Variants in SETD2 observed in about 807,000 individuals in gnomAD.
SETD2 encodes histone-lysine N-methyltransferase SETD2.
In SETD2, 31 loss-of-function variants were observed where a neutral mutation model predicts 242.1. That is an observed-to-expected ratio of 0.13 (90% CI 0.10 to 0.17). SETD2 has a LOEUF of 0.17. Among genes scored for constraint, SETD2 ranks in the 10% least tolerant of loss-of-function variants. SETD2 has a pLI of 1.00. For synonymous variants in SETD2, 1,006 were observed against 1,066.5 expected (o/e 0.94, Z 1.11); for missense variants, 2,481 against 3,046.3 (o/e 0.81, Z 4.37).
chr3:47,028,100 T>G (rs1171416871), intron 18 of SETD2, among the ~76,000 whole-genome samples: 2 of 152,172 alleles, frequency 1.3e-5, no homozygotes, highest in Non-Finnish European at 2.9e-5. Context: ...GAATTAGCCC[T>G]CTCAGAGTTA....
chr3:47,037,223 G>A (rs1307891625), intron 18 of SETD2, among the ~76,000 whole-genome samples: 2 of 150,520 alleles, frequency 1.3e-5, no homozygotes, highest in Non-Finnish European at 3.0e-5. Context: ...TTGGTGTACT[G>A]CACCCATTAA....
intron 5 of SETD2, among the ~76,000 whole-genome samples, chr3:47,109,397 G>C (rs1016743868): frequency 2.6e-5 from 4 of 152,256 alleles, no homozygotes; most frequent in Non-Finnish European, 4.4e-5. Context: ...TGTAATACCA[G>C]AACTTTGGAA....
At chr3:47,037,943 T>C (rs1177372042) in intron 17 of SETD2, among the ~76,000 whole-genome samples, 166 bp from the exon 18 acceptor site, 1 of 152,244 alleles carries the variant, frequency 6.6e-6, no homozygotes, top group Non-Finnish European at 1.5e-5. Context: ...ACAGCAATGA[T>C]TCTAGCACAG....
At chr3:47,143,024 G>A (rs1025831107) in intron 1 of SETD2, among the ~76,000 whole-genome samples, 2 of 152,150 alleles carry the variant, frequency 1.3e-5, no homozygotes, top group South Asian at 2.1e-4. Flanking sequence ...GGGCATGGTG[G>A]GTCACACCTG....
At position 47,123,987 on chromosome 3, in the gene SETD2, T is replaced by C. The variant is rs752425225; in HGVS notation, c.649A>G (p.Thr217Ala). 5.2e-6 allele frequency: 8 copies of C among 1,552,036 alleles called. No homozygotes were observed. The highest frequency in any genetic ancestry group is 6.1e-6 in the Non-Finnish European group (7 of 1,146,832). Residue 217 changes from threonine (T) to alanine (A), a missense_variant, in exon 3 of 21, where the codon ACA (threonine) becomes GCA (alanine). Thr to Ala is a moderately conservative substitution (Grantham distance 58, BLOSUM62 0). Coordinates refer to ENST00000409792, the MANE Select transcript of SETD2 (RefSeq NM_014159.7). The part of the protein sequence containing the change: ...PVTEPVALPH[T>A]PITVLMAAPV... ...GCTGCCATTAGAACTGTTATTGGTG[T>C]ATGTGGCAAGGCCACTGGCTCTGTT...
At position 47,056,930 on chromosome 3, in the gene SETD2, T is replaced by A. The variant is rs1318081365; in HGVS notation, c.6854A>T (p.Gln2285Leu). 1 of 1,614,186 alleles carries A rather than the reference T, an allele frequency of 6.2e-7. No homozygotes were observed. Among genetic ancestry groups the A allele is most frequent in the Non-Finnish European group, 8.5e-7 (1 of 1,179,984 alleles). Residue 2285 changes from glutamine (Q) to leucine (L), a missense_variant, in exon 15 of 21, where the codon CAG (glutamine) becomes CTG (leucine). Coordinates refer to ENST00000409792, the MANE Select transcript of SETD2 (RefSeq NM_014159.7). ...TGCTTGAGACTGTGCAGGAGAGTAC[T>A]GCTGCTGTACACTGACAGACTGTTG... ...SNQQSVSVQQ[Q>L]YSPAQSQATI...
chr3:47,156,629 A>G (rs2044133042), intron 1 of SETD2, among the ~76,000 whole-genome samples: 2 of 152,204 alleles, frequency 1.3e-5, no homozygotes, highest in Non-Finnish European at 2.9e-5. Context: ...TCCAAGTACT[A>G]TACTGGCCTC....
chr3:47,035,160 A>G (rs756815791), intron 18 of SETD2, among the ~76,000 whole-genome samples: 1 of 152,202 alleles, frequency 6.6e-6, no homozygotes, highest in Non-Finnish European at 1.5e-5. Flanking sequence ...TTGAATGTGT[A>G]ATTACCTTGG....
chr3:47,021,538 T>A (rs576081712), intron 18 of SETD2, among the ~76,000 whole-genome samples: 1 of 152,194 alleles, frequency 6.6e-6, no homozygotes, highest in East Asian at 1.9e-4. Flanking sequence ...CTGAGCTCTG[T>A]CTAGGAGCTT....
chr3:47,107,871 G>A (rs529354626), intron 5 of SETD2, among the ~76,000 whole-genome samples: 1 of 152,186 alleles, frequency 6.6e-6, no homozygotes, highest in South Asian at 2.1e-4. Flanking sequence ...CACTACACCA[G>A]TTGAAAGCCT....
In SETD2 at chr3:47,123,616, T is replaced by A. The variant is rs2106708083; in HGVS notation, c.1020A>T (p.Lys340Asn). Reference sequence around the variant, plus strand: ...TTTCCTTTTCAATGCTTGCTGAAAATTTTAAATCATGTGATCTTTGACTTG... The same window carrying A: ...TTTCCTTTTCAATGCTTGCTGAAAAATTTAAATCATGTGATCTTTGACTTG... ...TSSSQRSHDLKFSASIEKERD... is the reference protein window; with the variant it reads ...TSSSQRSHDLNFSASIEKERD... Residue 340 changes from lysine to asparagine, a missense_variant, in exon 3 of 21, where the codon AAA becomes AAT. Transcript: ENST00000409792. 1 of 1,550,110 alleles carries A rather than the reference T, an allele frequency of 6.5e-7. No homozygotes were observed. The highest frequency in any genetic ancestry group is 8.7e-7 in the Non-Finnish European group (1 of 1,146,702).
At chr3:47,110,172 G>A (rs1241076307) in intron 5 of SETD2, among the ~76,000 whole-genome samples, 1 of 152,012 alleles carries the variant, frequency 6.6e-6, no homozygotes. Context: ...GACACAAAAG[G>A]CCACATATTG....
chr3:47,075,123 G>A (rs1575731742), intron 12 of SETD2, among the ~76,000 whole-genome samples: 1 of 142,914 alleles, frequency 7.0e-6, no homozygotes, highest in Non-Finnish European at 1.5e-5. Flanking sequence ...GACAGAGCGA[G>A]ACTCCGTCTC....
chr3:47,063,169 T>A (rs1371105342), intron 13 of SETD2, among the ~76,000 whole-genome samples: 1 of 152,166 alleles, frequency 6.6e-6, no homozygotes, highest in African/African-American at 2.4e-5. Flanking sequence ...TAGATTTGGT[T>A]GACAAAAAAA....
chr3:47,131,389 G>C (rs1408282708), intron 1 of SETD2, among the ~76,000 whole-genome samples: 2 of 152,018 alleles, frequency 1.3e-5, no homozygotes, highest in African/African-American at 4.8e-5. Flanking sequence ...TGTCGCCCAG[G>C]CTGGAGTGCA....
rs780134688 is a variant in SETD2, at chr3:47,037,648, T to G, written c.7350+18A>C. On this transcript the variant is annotated intron_variant, in intron 18 of 20. Coordinates refer to ENST00000409792, the MANE Select transcript of SETD2 (RefSeq NM_014159.7). The stretch of plus-strand genomic sequence containing the variant: ...GACTCCCAAATGATCAGGAAATACA[T>G]GTGTAAGCCACACTCACCTTCATGG... The G allele has an allele frequency of 6.4e-7, 1 of 1,573,898 alleles. No homozygotes were observed. Among genetic ancestry groups the G allele is most frequent in the Non-Finnish European group, 8.7e-7 (1 of 1,143,746 alleles).
chr3:47,095,323 A>G, intron 9 of SETD2, among the ~76,000 whole-genome samples: 1 of 151,974 alleles, frequency 6.6e-6, no homozygotes, highest in East Asian at 1.9e-4. Context: ...TTTAGTAGAG[A>G]CAGGGTTTCA....
intron 12 of SETD2, among the ~76,000 whole-genome samples, chr3:47,081,705 A>T (rs1041747980): frequency 5.3e-5 from 8 of 152,228 alleles, no homozygotes; most frequent in African/African-American, 1.9e-4. Context: ...ACAGAGCCAT[A>T]GTAAATGTTA....
At chr3:47,143,715 T>G (rs1349408554) in intron 1 of SETD2, among the ~76,000 whole-genome samples, 3 of 147,798 alleles carry the variant, frequency 2.0e-5, no homozygotes, top group Non-Finnish European at 4.5e-5. Context: ...ATACCAGAAC[T>G]TTTTTTTTTT....
Sources: gnomAD v4.1 joint callset for allele counts (sites outside exome capture counted in the v4.1 genomes callset) on GRCh38, gnomAD v4.1.1 for gene constraint, MANE v1.5 for transcripts, NCBI Gene and HGNC (gene_info 2026-07-23, HGNC 2026-07-21) for gene names.